POLRMT: variants seen among roughly 807,000 people sequenced by gnomAD.
POLRMT encodes DNA-directed RNA polymerase, mitochondrial.
In POLRMT, 114 loss-of-function variants were observed where a neutral mutation model predicts 132.2. The ratio of observed to expected loss-of-function variants is 0.86; its 90% confidence interval spans 0.74 to 1.01. POLRMT has a LOEUF of 1.01. Ranked by LOEUF, POLRMT falls within the 50% of genes least tolerant of loss-of-function variation. The pLI is 0.00. For synonymous variants in POLRMT, 1,020 were observed against 773.4 expected, an observed-to-expected ratio of 1.32 and a Z score of -5.29; for missense variants, 2,003 against 1,729.1, an observed-to-expected ratio of 1.16 and a Z score of -2.81.
rs1242820531 is a variant in POLRMT at position 617,450 on chromosome 19, C to T, written c.3612G>A (p.Leu1204=). Residue 1204 remains leucine (L), a synonymous_variant, in exon 20 of 21, where the codon CTG becomes CTA. Coordinates refer to ENST00000588649, the MANE Select transcript of POLRMT (RefSeq NM_005035.4). ...TGGGCACCGCCTGCAGTGTCTCCTT[C>T]AGCTGGCTGGCCTCCAAGATCTTCT... The part of the protein sequence containing the change: ...EPQKILEASQ[L]KETLQAVPKP... The T allele has an allele frequency of 1.9e-6, 3 of 1,611,838 alleles. No homozygotes were observed. The highest frequency in any genetic ancestry group is 2.7e-5 in the African/African-American group (2 of 74,848).
rs563730885 is a variant in POLRMT at position 620,236 on chromosome 19, T to C, written c.2763+129A>G. The stretch of plus-strand genomic sequence containing the variant: ...CGCTCCCGGGAGAGACCAGGAGCCA[T>C]GGCTCCCGCACACTCTAGGACCACC... On this transcript the variant is annotated intron_variant, in intron 11 of 20. Coordinates refer to ENST00000588649, the MANE Select transcript of POLRMT (RefSeq NM_005035.4). The C allele has an allele frequency of 2.8e-5, 40 of 1,451,962 alleles. No homozygotes were observed. In the East Asian group the frequency reaches 9.2e-4, roughly 34 times the overall value. The allele number at this position is 1,451,962 out of a possible 1,614,324, so 89.9% of individuals were successfully genotyped here. A position where few individuals can be genotyped will look rare whatever the true frequency, so the allele number is the denominator to read the frequency against.
At chr19:624,630 G>A in intron 5 of POLRMT, 89 bp downstream of exon 5, 1 of 1,424,082 alleles carries the variant, frequency 7.0e-7, no homozygotes. Context: ...CTGGGCACCG[G>A]GGAGGCCCAT....
At chr19:620,626 G>A (rs560857390) in intron 10 of POLRMT, 139 bp from the exon 11 acceptor site, 8 of 1,135,206 alleles carry the variant, frequency 7.0e-6, no homozygotes, top group Admixed American at 3.2e-5. Context: ...GTGGGCGAGA[G>A]ACGGGGCGGT....
Position 622,943 on chromosome 19 carries a change from G to A in POLRMT, c.1333C>T (p.Leu445=). The change falls in exon 7 of 21, where the codon CTG becomes TTG. Residue 445 remains leucine, a synonymous_variant. Transcript: ENST00000588649. ...KTLRDQWEKA[L]CRALRETKNR... ...TTGGTCTCCCGCAGCGCCCGGCACA[G>A]TGCTTTCTCCCATTGGTCCCGCAGG... 1.2e-6 allele frequency: 2 copies of A among 1,613,014 alleles called. No individual in the cohort carries two copies. The highest frequency in any genetic ancestry group is 2.2e-5 in the East Asian group (1 of 44,872).
Position 617,666 on chromosome 19 carries a change from G to A in POLRMT, c.3496-11C>T, listed in dbSNP as rs768669931. ...CTGCTCCCGGCACACCTGGGCAGGA[G>A]TCAGAGGATCCCCAGGGGTGATCAG... is the stretch of plus-strand genomic sequence containing the variant. On this transcript the variant is annotated splice_polypyrimidine_tract_variant and intron_variant, in intron 18 of 20. Coordinates refer to ENST00000588649, the MANE Select transcript of POLRMT (RefSeq NM_005035.4). The A allele has an allele frequency of 1.9e-5, 30 of 1,612,432 alleles. No homozygotes were observed. The South Asian group carries it at 3.2e-4, about 17-fold the overall frequency.
At chr19:620,978 C>T in intron 10 of POLRMT, 80 bp downstream of exon 10, 8 of 739,332 alleles carry the variant, frequency 1.1e-5, no homozygotes, top group Non-Finnish European at 1.4e-5. Context: ...GGCGCGGGGG[C>T]GCCGGGGGAG....
chr19:624,980 T>G, intron 4 of POLRMT, 75 bp from the exon 5 acceptor site: 1 of 1,539,102 alleles, frequency 6.5e-7, no homozygotes, highest in Non-Finnish European at 8.8e-7. Flanking sequence ...GGGAACCTCG[T>G]GACCACCTCC....
rs1984797071 is a variant in POLRMT, at chr19:623,530, T to A, written c.1214A>T (p.His405Leu). 2.5e-6 allele frequency: 4 copies of A among 1,613,562 alleles called. No homozygotes were observed. Among genetic ancestry groups the A allele is most frequent in the Non-Finnish European group, 3.4e-6 (4 of 1,179,990 alleles). ...GCACACCCTGCTGGCCAGCTCCATG[T>A]GGAGCTGCTTCTCAAAGAGGCACTG... ...TLQCLFEKQL[H>L]MELASRVCVV... The change falls in exon 6 of 21, where the codon CAC becomes CTC. Residue 405 changes from histidine to leucine, a missense_variant. By Grantham distance (99) the His-to-Leu change is moderately conservative. Transcript: ENST00000588649.
rs71333297 is a variant in POLRMT, at chr19:625,288, G to GT, written c.823-35_823-34insA. The GT allele has an allele frequency of 2.8e-5, 45 of 1,611,280 alleles. 3 individuals carry two copies. In the South Asian group the frequency reaches 3.6e-4, roughly 13 times the overall value. On this transcript the variant is annotated intron_variant, in intron 3 of 20. Coordinates refer to ENST00000588649, the MANE Select transcript of POLRMT (RefSeq NM_005035.4). ...CCAAGCCAGGGTGAGGGTCTGGGGGGATGGCCCAACCTCCACATCCTCCCT... is the reference window on the plus strand; with the variant it reads ...CCAAGCCAGGGTGAGGGTCTGGGGGGTATGGCCCAACCTCCACATCCTCCCT...
At chr19:631,182 G>A (rs2144704168) in intron 2 of POLRMT, among the ~76,000 whole-genome samples, 1 of 151,906 alleles carries the variant, frequency 6.6e-6, no homozygotes, top group African/African-American at 2.4e-5. Flanking sequence ...GTTGAAATAA[G>A]CCGGGTACAG....
intron 2 of POLRMT, among the ~76,000 whole-genome samples, chr19:630,499 A>T (rs1381929211): frequency 6.6e-6 from 1 of 151,790 alleles, no homozygotes; most frequent in Non-Finnish European, 1.5e-5. Flanking sequence ...GGTCTGTGAC[A>T]ACTCCCTCCG....
chr19:621,250 C>T lies in POLRMT; in HGVS notation c.2448G>A (p.Leu816=), dbSNP rs2144612165. ...TYPCPPHFNH[L]GSDVARALLE... is the part of the protein sequence containing the mutation. The stretch of plus-strand genomic sequence containing the variant: ...GCAGGGCCCGCGCCACGTCGCTGCC[C>T]AGGTGGTTGAAGTGCGGCGGGCAGG... The change falls in exon 10 of 21, where the codon CTG becomes CTA. Residue 816 remains leucine, a synonymous_variant. Coordinates refer to ENST00000588649, the MANE Select transcript of POLRMT (RefSeq NM_005035.4). 1 of 1,608,616 alleles carries T rather than the reference C, an allele frequency of 6.2e-7. No homozygotes were observed. Among genetic ancestry groups the T allele is most frequent in the Admixed American group, 1.7e-5 (1 of 59,828 alleles).
chr19:621,910 A>G, intron 9 of POLRMT, 64 bp from the exon 10 acceptor site: 1 of 1,551,176 alleles, frequency 6.4e-7, no homozygotes, highest in Non-Finnish European at 8.7e-7. Flanking sequence ...CCCACCCCTT[A>G]AACTTGGGTG....
Position 619,007 on chromosome 19 carries a change from G to C in POLRMT, c.3257C>G (p.Ser1086Cys), listed in dbSNP as rs780985173. The C allele has an allele frequency of 1.3e-6, 2 of 1,584,436 alleles. No homozygotes were observed. The highest frequency in any genetic ancestry group is 2.0e-4 in the Middle Eastern group (1 of 5,006). The change falls in exon 15 of 21, where the codon TCC becomes TGC. Residue 1086 changes from serine (S) to cysteine (C), a missense_variant. Coordinates refer to ENST00000588649, the MANE Select transcript of POLRMT (RefSeq NM_005035.4). ...VPVIQPYRLD[S>C]KVKQIGGGIQ... ...GGGTGGTACACTGACCTTGACCTTG[G>C]AGTCCAGGCGATAGGGCTGGATGAC... is the stretch of plus-strand genomic sequence containing the variant.
At chr19:625,371 G>T in intron 3 of POLRMT, 117 bp from the exon 4 acceptor site, 1 of 1,404,480 alleles carries the variant, frequency 7.1e-7, no homozygotes, top group South Asian at 1.4e-5. Flanking sequence ...GGGTCACCAG[G>T]CAGGAGTGGC....
At chr19:618,951 C>G in intron 15 of POLRMT, 46 bp downstream of exon 15, 1 of 1,471,074 alleles carries the variant, frequency 6.8e-7, no homozygotes, top group East Asian at 2.4e-5. Context: ...GACGCTGTTA[C>G]ACTGGGATGG....
intron 3 of POLRMT, among the ~76,000 whole-genome samples, chr19:626,818 C>T (rs1342507620): frequency 6.6e-6 from 1 of 151,322 alleles, no homozygotes. Flanking sequence ...CGGGATCTCA[C>T]CACTGCACTC....
chr19:621,430 G>C lies in POLRMT; in HGVS notation c.2268C>G (p.Ala756=). The part of the protein sequence containing the change: ...LPHSAAPARK[A]ELRRELAHCQ... The stretch of plus-strand genomic sequence containing the variant: ...AGTGCGCCAGCTCACGGCGCAGCTC[G>C]GCCTTGCGGGCGGGCGCGGCGCTGT... Residue 756 remains alanine (A), a synonymous_variant, in exon 10 of 21, where the codon GCC becomes GCG. Coordinates refer to ENST00000588649, the MANE Select transcript of POLRMT (RefSeq NM_005035.4). 6.1e-6 allele frequency: 9 copies of C among 1,465,714 alleles called. No individual in the cohort carries two copies. The highest frequency in any genetic ancestry group is 8.1e-6 in the Non-Finnish European group (9 of 1,113,838). 90.8% of individuals were successfully genotyped at this position (1,465,714 alleles called of 1,614,324 possible). A position where few individuals can be genotyped will look rare whatever the true frequency, so the allele number is the denominator to read the frequency against.
At chr19:617,385 C>T (rs372466780) in intron 20 of POLRMT, 34 bp downstream of exon 20, 113 of 1,612,238 alleles carry the variant, frequency 7.0e-5, no homozygotes, top group Non-Finnish European at 8.8e-5. Flanking sequence ...GCCCGCAGTT[C>T]GAGCCACCCT....
Sources: allele counts gnomAD v4.1 joint callset (sites outside exome capture counted in the v4.1 genomes callset), GRCh38; gene constraint gnomAD v4.1.1; transcripts MANE v1.5; gene names NCBI Gene and HGNC (gene_info 2026-07-23, HGNC 2026-07-21).